RORA: variants seen among roughly 807,000 people sequenced by gnomAD.
The protein encoded by RORA is nuclear receptor ROR-alpha.
Under a neutral mutation model 69.5 loss-of-function variants are expected in RORA, and 7 were observed. The observed-to-expected ratio is 0.10, with a 90% CI of 0.06 to 0.19. The LOEUF (loss-of-function observed/expected upper bound fraction) is 0.19. Among genes scored for constraint, RORA ranks in the 10% least tolerant of loss-of-function variants. The pLI, the probability that RORA is intolerant of heterozygous loss-of-function variation, is 1.00. For missense variants in RORA, 457 were observed against 663.0 expected (o/e 0.69, Z 3.41); for synonymous variants, 261 against 240.8 (o/e 1.08, Z -0.78).
chr15:60,584,351 A>G (rs1266444958), intron 2 of RORA, among the ~76,000 whole-genome samples: 1 of 152,230 alleles, frequency 6.6e-6, no homozygotes, highest in African/African-American at 2.4e-5. Flanking sequence ...AATCATGTTC[A>G]TCCATAAGTA....
chr15:61,114,038 A>G (rs76125313), intron 1 of RORA, among the ~76,000 whole-genome samples: 6,154 of 152,308 alleles, frequency 0.04, 180 homozygotes, highest in Non-Finnish European at 0.058. Context: ...CGCCAGCAAT[A>G]TGGTCTCAAC....
intron 8 of RORA, among the ~76,000 whole-genome samples, chr15:60,502,490 G>A (rs2065361712): frequency 6.6e-6 from 1 of 152,000 alleles, no homozygotes; most frequent in Admixed American, 6.6e-5. Flanking sequence ...CTTAAAATCT[G>A]GAAGGGAACT....
At chr15:60,886,363 G>A (rs963395035) in intron 1 of RORA, among the ~76,000 whole-genome samples, 50 of 152,104 alleles carry the variant, frequency 3.3e-4, no homozygotes, top group African/African-American at 9.4e-4. Flanking sequence ...CCCATCTCCC[G>A]GTCCTACAGC....
intron 1 of RORA, among the ~76,000 whole-genome samples, chr15:60,868,794 G>A (rs1229434102): frequency 1.3e-5 from 2 of 152,132 alleles, no homozygotes; most frequent in Non-Finnish European, 2.9e-5. Context: ...GGATATTAAA[G>A]CATTTTCCAG....
At chr15:60,985,580 C>CTCTTTT (rs1894174672) in intron 1 of RORA, among the ~76,000 whole-genome samples, 1 of 86,342 alleles carries the variant, frequency 1.2e-5, no homozygotes, top group Non-Finnish European at 2.2e-5. Context: ...GAAACTCATC[C>CTCTTTT]TCTTTTTTTT....
At chr15:60,938,380 T>C (rs534545216) in intron 1 of RORA, among the ~76,000 whole-genome samples, 86 of 152,310 alleles carry the variant, frequency 5.6e-4, no homozygotes, top group Non-Finnish European at 4.7e-4. Context: ...ACCATGACAA[T>C]TAAGTTTCTG....
intron 1 of RORA, among the ~76,000 whole-genome samples, chr15:60,882,031 G>T (rs1009230186): frequency 5.3e-5 from 8 of 152,170 alleles, no homozygotes; most frequent in African/African-American, 1.9e-4. Context: ...CGCACGTGTT[G>T]CGGAACTGTC....
intron 1 of RORA, among the ~76,000 whole-genome samples, chr15:60,702,288 C>T (rs1448022562): frequency 3.3e-5 from 5 of 152,074 alleles, no homozygotes; most frequent in South Asian, 2.1e-4. Context: ...TGCAGTGGTG[C>T]GATCTAGGCT....
intron 1 of RORA, among the ~76,000 whole-genome samples, chr15:60,907,838 A>G (rs755791378): frequency 2.6e-5 from 4 of 152,222 alleles, no homozygotes; most frequent in Non-Finnish European, 5.9e-5. Flanking sequence ...ATGCAAAGTC[A>G]CCAAGGTCTG....
In RORA at chr15:60,654,469, A is replaced by T. The variant is rs933465163; in HGVS notation, c.196+24188T>A. On this transcript the variant is annotated intron_variant, in intron 2 of 10. Coordinates refer to ENST00000335670, the MANE Select transcript of RORA (RefSeq NM_134261.3). ...TTCTCCCTTGCTATGCAACTAGGCA[A>T]GTAGACCCGAGGCTCTCTGAGATTT... is the stretch of plus-strand genomic sequence containing the variant. 2.6e-5 allele frequency among the ~76,000 whole-genome samples: 4 copies of T among 152,350 alleles called. No individual in the cohort carries two copies. The East Asian group carries it at 7.7e-4, about 29-fold the overall frequency.
At chr15:60,731,988 T>C (rs1042346845) in intron 1 of RORA, among the ~76,000 whole-genome samples, 1 of 152,310 alleles carries the variant, frequency 6.6e-6, no homozygotes, top group South Asian at 2.1e-4. Context: ...AAGTTCCGAA[T>C]AGGCGAAGGG....
chr15:60,720,020 A>G (rs1323942864), intron 1 of RORA, among the ~76,000 whole-genome samples: 1 of 152,132 alleles, frequency 6.6e-6, no homozygotes, highest in Non-Finnish European at 1.5e-5. Context: ...CCCAGCCTTT[A>G]TTGTTCCTTT....
chr15:60,714,067 T>A (rs1464873691), intron 1 of RORA, among the ~76,000 whole-genome samples: 1 of 151,986 alleles, frequency 6.6e-6, no homozygotes, highest in Non-Finnish European at 1.5e-5. Flanking sequence ...TCTTTTTTTT[T>A]TTTCGAGACA....
At chr15:60,498,859 GAA>G (rs112516096) in intron 10 of RORA, among the ~76,000 whole-genome samples, 3,575 of 109,744 alleles carry the variant, frequency 0.033, 158 homozygotes, top group African/African-American at 0.1. Context: ...CTATAAAGGA[GAA>G]AAAAAAAAAA....
At chr15:60,933,541 T>C (rs1301532647) in intron 1 of RORA, among the ~76,000 whole-genome samples, 3 of 152,160 alleles carry the variant, frequency 2.0e-5, no homozygotes, top group Admixed American at 6.5e-5. Context: ...TACCTTCCTA[T>C]TGACATAGAA....
chr15:60,901,804 C>G (rs1006219990), intron 1 of RORA, among the ~76,000 whole-genome samples: 11 of 152,154 alleles, frequency 7.2e-5, no homozygotes, highest in Non-Finnish European at 1.0e-4. Flanking sequence ...AATACAGCAA[C>G]TGACAAGAAC....
chr15:60,985,305 T>C (rs2140364120), intron 1 of RORA, among the ~76,000 whole-genome samples: 1 of 152,288 alleles, frequency 6.6e-6, no homozygotes, highest in East Asian at 1.9e-4. Context: ...TGGTTATTAG[T>C]ATCTTTGAGT....
At chr15:61,155,209 C>T (rs2079431818) in intron 1 of RORA, among the ~76,000 whole-genome samples, 1 of 151,924 alleles carries the variant, frequency 6.6e-6, no homozygotes, top group Non-Finnish European at 1.5e-5. Context: ...CACACTGTGT[C>T]CCGTAAATAT....
chr15:61,115,916 C>A (rs118006376), intron 1 of RORA, among the ~76,000 whole-genome samples: 3 of 152,202 alleles, frequency 2.0e-5, no homozygotes, highest in South Asian at 4.2e-4. Context: ...AGGAAAGCTA[C>A]GTGGGTAGGG....
Sources: allele counts gnomAD v4.1 joint callset (sites outside exome capture counted in the v4.1 genomes callset), GRCh38; gene constraint gnomAD v4.1.1; transcripts MANE v1.5; gene names NCBI Gene and HGNC (gene_info 2026-07-23, HGNC 2026-07-21).